TTLL10: variants seen among roughly 807,000 people sequenced by gnomAD.
The protein encoded by TTLL10 is inactive polyglycylase TTLL10.
In TTLL10, 61 loss-of-function variants were observed where a neutral mutation model predicts 69.0. The observed-to-expected ratio is 0.88, with a 90% confidence interval of 0.72 to 1.09. The LOEUF (loss-of-function observed/expected upper bound fraction) is 1.09. TTLL10 is among the 50% of genes least tolerant of loss of function. The pLI, the probability that TTLL10 is intolerant of heterozygous loss-of-function variation, is 0.00. For synonymous variants in TTLL10, 408 were observed against 393.3 expected (o/e 1.04, Z -0.44); for missense variants, 962 against 945.9 (o/e 1.02, Z -0.22).
Position 1,181,801 on chromosome 1 carries a change from C to T in TTLL10, c.816C>T (p.Tyr272=), listed in dbSNP as rs1325360481. Reference sequence around the variant, plus strand: ...ACCTCCCGTGGACAAGCCCAGGATACCTCAGGCCACAGAGGTAGACTCAGC... The same window carrying T: ...ACCTCCCGTGGACAAGCCCAGGATATCTCAGGCCACAGAGGTAGACTCAGC... The part of the protein sequence containing the change: ...LEDLPWTSPG[Y]LRPQRVLRME... Residue 272 remains tyrosine (Y), a synonymous_variant, in exon 9 of 16, where the codon TAC becomes TAT. Coordinates refer to ENST00000379289, the MANE Select transcript of TTLL10 (RefSeq NM_001130045.2). The surrounding 1 kb of genome is among the most constrained non-coding windows in gnomAD (Gnocchi z 4.6). 1 of 1,608,352 alleles carries T rather than the reference C, an allele frequency of 6.2e-7. No homozygotes were observed. The highest frequency in any genetic ancestry group is 2.2e-5 in the East Asian group (1 of 44,708).
intron 13 of TTLL10, among the ~76,000 whole-genome samples, chr1:1,186,699 T>A (rs1363608031): frequency 6.6e-6 from 1 of 152,148 alleles, no homozygotes; most frequent in Non-Finnish European, 1.5e-5. Flanking sequence ...TGCAGGGATA[T>A]CTCATTGTGG....
intron 4 of TTLL10, 73 bp from the exon 5 acceptor site, chr1:1,179,584 G>A (rs990779819): frequency 2.5e-5 from 38 of 1,543,266 alleles, no homozygotes; most frequent in African/African-American, 5.5e-5. Flanking sequence ...GCAGCCCCTC[G>A]TCTCCCGGCC....
chr1:1,180,102 G>C lies in TTLL10; in HGVS notation c.268G>C (p.Asp90His). The C allele has an allele frequency of 6.2e-7, 1 of 1,610,766 alleles. No homozygotes were observed. The highest frequency in any genetic ancestry group is 8.5e-7 in the Non-Finnish European group (1 of 1,178,860). Reference sequence around the variant, plus strand: ...ACTCCGGTGTCAGCCAAGCCAGCCAGACCACGACGCAGATGGACACTGTGG... The same window carrying C: ...ACTCCGGTGTCAGCCAAGCCAGCCACACCACGACGCAGATGGACACTGTGG... ...EGLRCQPSQP[D>H]HDADGHCGPD... Residue 90 changes from aspartate to histidine, a missense_variant, in exon 6 of 16, where the codon GAC (aspartate) becomes CAC (histidine). Coordinates refer to ENST00000379289, the MANE Select transcript of TTLL10 (RefSeq NM_001130045.2).
At chr1:1,195,564 C>T (rs1247291523) in intron 13 of TTLL10, among the ~76,000 whole-genome samples, 3 of 137,090 alleles carry the variant, frequency 2.2e-5, no homozygotes, top group South Asian at 2.4e-4. Context: ...AGGCTTGTCT[C>T]GAACTCCTGA....
chr1:1,179,616 C>T, intron 4 of TTLL10, 41 bp from the exon 5 acceptor site: 1 of 1,550,476 alleles, frequency 6.4e-7, no homozygotes, highest in Non-Finnish European at 8.7e-7. Flanking sequence ...CCTTGGGTCA[C>T]CCATGACATC....
At position 1,181,868 on chromosome 1, in the gene TTLL10, C is replaced by A; in HGVS notation, c.830+53C>A. 3 of 1,508,460 alleles carry A rather than the reference C, an allele frequency of 2.0e-6. No homozygotes were observed. The highest frequency in any genetic ancestry group is 2.7e-6 in the Non-Finnish European group (3 of 1,104,856). The allele number at this position is 1,508,460 out of a possible 1,614,324, so 93.4% of individuals were successfully genotyped here. On this transcript the variant is annotated intron_variant, in intron 9 of 15. Coordinates refer to ENST00000379289, the MANE Select transcript of TTLL10 (RefSeq NM_001130045.2). The surrounding 1 kb of genome is among the most constrained non-coding windows in gnomAD (Gnocchi z 4.6). Reference sequence around the variant, plus strand: ...CTTCAGACCGAAGTTCAGACCTAAACCTGGTGTCGTCTGAAAAGGAGAAAG... The same window carrying A: ...CTTCAGACCGAAGTTCAGACCTAAAACTGGTGTCGTCTGAAAAGGAGAAAG...
At position 1,181,727 on chromosome 1, in the gene TTLL10, C is replaced by G. The variant is rs1647074968; in HGVS notation, c.756-14C>G. On this transcript the variant is annotated splice_polypyrimidine_tract_variant and intron_variant, in intron 8 of 15. Coordinates refer to ENST00000379289, the MANE Select transcript of TTLL10 (RefSeq NM_001130045.2). The surrounding 1 kb of genome is among the most constrained non-coding windows in gnomAD (Gnocchi z 4.6). ...TGGCCCCTCAGTCCAGGCCCTCTGT[C>G]CCCTGGGCTGCAGGCTGGAAAAGGA... 4 of 1,585,388 alleles carry G rather than the reference C, an allele frequency of 2.5e-6. No individual in the cohort carries two copies. The highest frequency in any genetic ancestry group is 3.4e-6 in the Non-Finnish European group (4 of 1,166,824).
intron 3 of TTLL10, among the ~76,000 whole-genome samples, chr1:1,178,429 T>C (rs928312687): frequency 2.0e-5 from 3 of 151,942 alleles, no homozygotes; most frequent in African/African-American, 7.2e-5. Context: ...GGCATGGTGG[T>C]GGGTGCCTGT....
intron 13 of TTLL10, among the ~76,000 whole-genome samples, chr1:1,187,111 G>A (rs532065720): frequency 4.6e-5 from 7 of 152,098 alleles, no homozygotes; most frequent in Non-Finnish European, 1.0e-4. Flanking sequence ...CTCCCAAAGT[G>A]CTGGGATTAT....
rs575186968 is a variant in TTLL10, at chr1:1,182,842, G to C, written c.917-34G>C. 4 of 1,522,458 alleles carry C rather than the reference G, an allele frequency of 2.6e-6. No homozygotes were observed. In the East Asian group the frequency reaches 9.7e-5, roughly 37 times the overall value. The allele number at this position is 1,522,458 out of a possible 1,614,324, so 94.3% of individuals were successfully genotyped here. On this transcript the variant is annotated intron_variant, in intron 10 of 15. Transcript: ENST00000379289. ...TAGGAGGGGCGTGGCTGGGTTGGGGGCGAGGCCAGGGGCTCAGGCCGCGCT... is the reference window on the plus strand; with the variant it reads ...TAGGAGGGGCGTGGCTGGGTTGGGGCCGAGGCCAGGGGCTCAGGCCGCGCT...
At chr1:1,178,442 TC>T (rs1646939329) in intron 3 of TTLL10, among the ~76,000 whole-genome samples, 1 of 151,812 alleles carries the variant, frequency 6.6e-6, no homozygotes, top group Non-Finnish European at 1.5e-5. Flanking sequence ...GTGCCTGTAG[TC>T]CCAGCTACCT....
intron 3 of TTLL10, among the ~76,000 whole-genome samples, chr1:1,177,094 G>A (rs1646899974): frequency 6.6e-6 from 1 of 151,650 alleles, no homozygotes; most frequent in Non-Finnish European, 1.5e-5. Flanking sequence ...GTGTGTGTCT[G>A]TGTGTACGTG....
At chr1:1,197,369 A>ACCCC in intron 15 of TTLL10, 69 bp from the exon 16 acceptor site, 1 of 285,982 alleles carries the variant, frequency 3.5e-6, no homozygotes, top group Non-Finnish European at 5.9e-6. Flanking sequence ...CCCACCCCTC[A>ACCCC]CACCCTCCCC....
Position 1,181,646 on chromosome 1 carries a change from C to A in TTLL10, c.756-95C>A. The A allele has an allele frequency of 8.6e-7, 1 of 1,160,140 alleles. No homozygotes were observed. Among genetic ancestry groups the A allele is most frequent in the Non-Finnish European group, 1.2e-6 (1 of 817,110 alleles). 71.9% of individuals were successfully genotyped at this position (1,160,140 alleles called of 1,614,324 possible). ...CCTTCCACCACAACTCACAGTCCGC[C>A]CACTCACCACCCATGCCCCATCCCC... On this transcript the variant is annotated intron_variant, in intron 8 of 15. Transcript: ENST00000379289. The surrounding 1 kb of genome is among the most constrained non-coding windows in gnomAD (Gnocchi z 4.6).
intron 12 of TTLL10, among the ~76,000 whole-genome samples, chr1:1,184,657 C>A (rs1026882629): frequency 2.0e-5 from 3 of 152,152 alleles, no homozygotes; most frequent in Non-Finnish European, 4.4e-5. Context: ...AGAGAACAGG[C>A]CTTCTAGGTT....
chr1:1,197,504 G>A lies in TTLL10; in HGVS notation c.1679G>A (p.Arg560His), dbSNP rs771219098. The A allele has an allele frequency of 5.2e-6, 8 of 1,542,476 alleles. No individual in the cohort carries two copies. Among genetic ancestry groups the A allele is most frequent in the South Asian group, 4.8e-5 (4 of 83,696 alleles). Residue 560 changes from arginine (R) to histidine (H), a missense_variant, in exon 16 of 16, where the codon CGC (arginine) becomes CAC (histidine). By Grantham distance (29) the Arg-to-His change is conservative (BLOSUM62 0). Transcript: ENST00000379289. ...GQKMLPLLSQ[R>H]RFVLLHNGEA... ...AAGATGTTGCCTCTGCTGTCCCAGC[G>A]CCGCTTCGTGCTCCTGCACAACGGT...
intron 3 of TTLL10, among the ~76,000 whole-genome samples, chr1:1,177,557 C>T (rs1229558968): frequency 1.3e-5 from 2 of 152,194 alleles, no homozygotes; most frequent in Non-Finnish European, 2.9e-5. Context: ...ATGATCTGCC[C>T]GCCTCAGCCT....
chr1:1,197,640 C>T lies in TTLL10; in HGVS notation c.1815C>T (p.Asp605=). ...GGCCACCCATGCCGCATGCCCCAGACCAGCCGGGCGCCCGCAGGCCTGCGC... is the reference window on the plus strand; with the variant it reads ...GGCCACCCATGCCGCATGCCCCAGATCAGCCGGGCGCCCGCAGGCCTGCGC... ...SSGPPMPHAP[D]QPGARRPAPP... The change falls in exon 16 of 16, where the codon GAC becomes GAT. Residue 605 remains aspartate (D), a synonymous_variant. Coordinates refer to ENST00000379289, the MANE Select transcript of TTLL10 (RefSeq NM_001130045.2). 1 of 1,504,496 alleles carries T rather than the reference C, an allele frequency of 6.6e-7. No individual in the cohort carries two copies. The highest frequency in any genetic ancestry group is 8.8e-7 in the Non-Finnish European group (1 of 1,133,956). The allele number at this position is 1,504,496 out of a possible 1,614,324, so 93.2% of individuals were successfully genotyped here.
intron 13 of TTLL10, among the ~76,000 whole-genome samples, chr1:1,195,633 C>T (rs1277665549): frequency 6.6e-6 from 1 of 151,250 alleles, no homozygotes; most frequent in Admixed American, 6.6e-5. Flanking sequence ...ACGTGAGCCA[C>T]TGTGCCCGGC....
Sources: allele counts gnomAD v4.1 joint callset (sites outside exome capture counted in the v4.1 genomes callset), GRCh38; gene constraint gnomAD v4.1.1; non-coding constraint Gnocchi (gnomAD v3.1); transcripts MANE v1.5; gene names NCBI Gene and HGNC (gene_info 2026-07-23, HGNC 2026-07-21).